PCDHGA12: variants seen among roughly 807,000 people sequenced by gnomAD.
PCDHGA12 encodes protocadherin gamma subfamily A, 12.
A neutral mutation model predicts 61.1 loss-of-function variants in PCDHGA12; 43 were observed. The ratio of observed to expected loss-of-function variants is 0.70; its 90% confidence interval spans 0.55 to 0.91. The LOEUF is 0.91. Ranked by LOEUF, PCDHGA12 falls within the 40% of genes least tolerant of loss-of-function variation. The pLI is 0.00. For synonymous variants in PCDHGA12, 520 were observed against 542.9 expected (o/e 0.96, Z 0.59); for missense variants, 1,236 against 1,227.7 (o/e 1.01, Z -0.10).
At chr5:141,450,006 C>CTATTTTTTTTTTTT (rs70988802) in intron 1 of PCDHGA12, among the ~76,000 whole-genome samples, 1 of 132,966 alleles carries the variant, frequency 7.5e-6, no homozygotes, top group Non-Finnish European at 1.6e-5. Flanking sequence ...TGCCATGTCT[C>CTATTTTTTTTTTTT]TTTTTTTTTT....
chr5:141,505,779 T>G (rs1420143439), intron 3 of PCDHGA12, among the ~76,000 whole-genome samples: 1 of 139,496 alleles, frequency 7.2e-6, no homozygotes, highest in Non-Finnish European at 1.6e-5. Flanking sequence ...GTCCTAGCTC[T>G]GCTACTATCC....
rs549047197 is a variant in PCDHGA12, at chr5:141,502,866, C to CTTTTTTTTTTTTTTT, written c.2484-2513_2484-2512insTTTTTTTTTTTTTTT. Reference sequence around the variant, plus strand: ...GAGCTGCCTAACCCTGACTCTCTGTCTTTTTTTTTTTTTTGACAGGGAGTC... The same window carrying CTTTTTTTTTTTTTTT: ...GAGCTGCCTAACCCTGACTCTCTGTCTTTTTTTTTTTTTTTTTTTTTTTTTTTTTGACAGGGAGTC... On this transcript the variant is annotated intron_variant, in intron 2 of 3. Coordinates refer to ENST00000252085, the MANE Select transcript of PCDHGA12 (RefSeq NM_003735.3). 1.1e-4 allele frequency among the ~76,000 whole-genome samples: 14 copies of CTTTTTTTTTTTTTTT among 128,026 alleles called. 3 individuals are homozygous for CTTTTTTTTTTTTTTT. Among genetic ancestry groups the CTTTTTTTTTTTTTTT allele is most frequent in the Admixed American group, 1.7e-4 (2 of 11,664 alleles). The allele number at this position is 128,026 out of a possible 152,430, so 84.0% of individuals were successfully genotyped here.
intron 1 of PCDHGA12, among the ~76,000 whole-genome samples, chr5:141,488,553 T>C (rs2099676887): frequency 6.6e-6 from 1 of 152,166 alleles, no homozygotes; most frequent in South Asian, 2.1e-4. Flanking sequence ...TCAGCTGACA[T>C]TGAGATTTCC....
Position 141,491,944 on chromosome 5 carries a change from C to A in PCDHGA12, c.2425-2863C>A. On this transcript the variant is annotated intron_variant, in intron 1 of 3. Transcript: ENST00000252085. This position sits in a 1 kb window ranked among gnomAD's most constrained non-coding sequence, Gnocchi z 6.9. ...CGAGGGGAGGTGGGACCGACCCCCA[C>A]CCCTACACTCAAAAAAGGCCGGGGC... 2 of 1,120,270 alleles carry A rather than the reference C, an allele frequency of 1.8e-6. No individual in the cohort carries two copies. Among genetic ancestry groups the A allele is most frequent in the Non-Finnish European group, 2.4e-6 (2 of 822,060 alleles). The allele number at this position is 1,120,270 out of a possible 1,614,324, so 69.4% of individuals were successfully genotyped here.
chr5:141,505,345 G>A (rs776607130), intron 2 of PCDHGA12, 48 bp from the exon 3 acceptor site: 13 of 1,613,086 alleles, frequency 8.1e-6, no homozygotes, highest in Non-Finnish European at 1.1e-5. Flanking sequence ...AGGGGCATGA[G>A]CTGTGCCGGC....
At position 141,499,027 on chromosome 5, in the gene PCDHGA12, A is replaced by AG. The variant is rs1323149397; in HGVS notation, c.2483+4163dup. 7.4e-3 allele frequency among the ~76,000 whole-genome samples: 1,116 copies of AG among 149,928 alleles called. 12 individuals are homozygous for AG. Among genetic ancestry groups the AG allele is most frequent in the African/African-American group, 0.026 (1,074 of 40,604 alleles). On this transcript the variant is annotated intron_variant, in intron 2 of 3. Transcript: ENST00000252085. ...AAGGAAGGAAGGAAGGAAGGAAGGA[A>AG]GAAAAGAAAGAAAAAGGGAGAAAAA...
chr5:141,502,785 A>G (rs576095718), intron 2 of PCDHGA12, among the ~76,000 whole-genome samples: 2 of 150,900 alleles, frequency 1.3e-5, no homozygotes, highest in East Asian at 3.9e-4. Context: ...AATTACCTGG[A>G]TGATTTCTTC....
chr5:141,481,619 A>T (rs1303171847), intron 1 of PCDHGA12, among the ~76,000 whole-genome samples: 1 of 152,128 alleles, frequency 6.6e-6, no homozygotes, highest in Non-Finnish European at 1.5e-5. Flanking sequence ...GGAGTTCAAG[A>T]CCGGCCTGGC....
At position 141,431,848 on chromosome 5, in the gene PCDHGA12, G is replaced by A. The variant is rs747401379; in HGVS notation, c.1089G>A (p.Gly363=). 11 of 1,614,142 alleles carry A rather than the reference G, an allele frequency of 6.8e-6. No homozygotes were observed. The highest frequency in any genetic ancestry group is 2.2e-5 in the East Asian group (1 of 44,906). Residue 363 remains glycine, a synonymous_variant, in exon 1 of 4, where the codon GGG becomes GGA. Coordinates refer to ENST00000252085, the MANE Select transcript of PCDHGA12 (RefSeq NM_003735.3). The surrounding 1 kb of genome is among the most constrained non-coding windows in gnomAD (Gnocchi z 4.8). ...CGGTTCCCGAAAACTCTCCCAGAGGGACATTAATTGCCCTTTTAAATGTAA... is the reference window on the plus strand; with the variant it reads ...CGGTTCCCGAAAACTCTCCCAGAGGAACATTAATTGCCCTTTTAAATGTAA... The part of the protein sequence containing the change: ...ASSVPENSPR[G]TLIALLNVND...
In PCDHGA12 at chr5:141,457,491, A is replaced by G. The variant is rs1462989353; in HGVS notation, c.2424+24308A>G. Among the ~76,000 whole-genome samples, 9 of 152,368 alleles carry G rather than the reference A, an allele frequency of 5.9e-5. No individual in the cohort carries two copies. The East Asian group carries it at 1.5e-3, about 26-fold the overall frequency. On this transcript the variant is annotated intron_variant, in intron 1 of 3. Transcript: ENST00000252085. ...ATAAGCAGGGCCAGGGTTAGTCTAA[A>G]ATGTAGGCAAAAAGCTTAAAAACAA...
chr5:141,473,974 C>T (rs958240236), intron 1 of PCDHGA12, among the ~76,000 whole-genome samples: 12 of 152,172 alleles, frequency 7.9e-5, no homozygotes, highest in Admixed American at 1.3e-4. Flanking sequence ...AAGTCTGAGG[C>T]GGGAGGATCC....
At chr5:141,441,827 A>G (rs1344314632) in intron 1 of PCDHGA12, 1 of 355,628 alleles carries the variant, frequency 2.8e-6, no homozygotes, top group Non-Finnish European at 5.6e-6. Flanking sequence ...CTGGAGCGCA[A>G]TGGCTTCGCG....
chr5:141,469,552 C>G (rs956606902), intron 1 of PCDHGA12, among the ~76,000 whole-genome samples: 1 of 151,910 alleles, frequency 6.6e-6, no homozygotes, highest in African/African-American at 2.4e-5. Context: ...TCCAGCCTGG[C>G]GACAGAGTGA....
chr5:141,476,357 C>G lies in PCDHGA12; in HGVS notation c.2425-18450C>G. On this transcript the variant is annotated intron_variant, in intron 1 of 3. Transcript: ENST00000252085. The surrounding 1 kb of genome is among the most constrained non-coding windows in gnomAD (Gnocchi z 7.6). ...TAGCCGAAGATTCTTTGAGGTGAAC[C>G]GGGAGACCGGAGAGATGTTTGTGAA... The G allele has an allele frequency of 6.2e-7, 1 of 1,614,052 alleles. No individual in the cohort carries two copies. Among genetic ancestry groups the G allele is most frequent in the South Asian group, 1.1e-5 (1 of 91,078 alleles).
chr5:141,481,436 T>C (rs775003998), intron 1 of PCDHGA12, among the ~76,000 whole-genome samples: 5 of 152,220 alleles, frequency 3.3e-5, no homozygotes, highest in South Asian at 2.1e-4. Flanking sequence ...ATTGTATCAG[T>C]TTAGTACATG....
At chr5:141,441,757 G>A (rs1423867327) in intron 1 of PCDHGA12, 2 of 381,638 alleles carry the variant, frequency 5.2e-6, no homozygotes, top group Middle Eastern at 6.5e-4. Context: ...GTCAACGTGA[G>A]CCTGCGCGTG....
intron 1 of PCDHGA12, among the ~76,000 whole-genome samples, chr5:141,444,152 ATTTTTTTTTTTTTTTTTTTTT>A (rs747671382): frequency 8.9e-5 from 3 of 33,882 alleles, no homozygotes; most frequent in Admixed American, 3.9e-4. Context: ...TGTGTACTGG[ATTTTTTTTTTTTTTTTTTTTT>A]TTTTTTTTTT....
intron 1 of PCDHGA12, among the ~76,000 whole-genome samples, chr5:141,444,732 A>G (rs2098445644): frequency 6.6e-6 from 1 of 152,194 alleles, no homozygotes; most frequent in Admixed American, 6.6e-5. Context: ...CTTTGTTGAA[A>G]GTCATTTCAC....
chr5:141,431,288 C>T lies in PCDHGA12; in HGVS notation c.529C>T (p.His177Tyr), dbSNP rs2097358193. ...LQSYELSPNT[H>Y]FSLIVQNGAD... ...GAGCTACGAGCTCAGCCCGAACACT[C>T]ACTTCTCCCTCATCGTGCAAAATGG... The change falls in exon 1 of 4, where the codon CAC (histidine) becomes TAC (tyrosine). Residue 177 changes from histidine (H) to tyrosine (Y), a missense_variant. Physicochemically the swap from His to Tyr is moderately conservative, Grantham distance 83. Transcript: ENST00000252085. This position sits in a 1 kb window ranked among gnomAD's most constrained non-coding sequence, Gnocchi z 4.8. 1 of 1,614,152 alleles carries T rather than the reference C, an allele frequency of 6.2e-7. No individual in the cohort carries two copies. Among genetic ancestry groups the T allele is most frequent in the East Asian group, 2.2e-5 (1 of 44,890 alleles).
Sources: allele counts gnomAD v4.1 joint callset (sites outside exome capture counted in the v4.1 genomes callset), GRCh38; gene constraint gnomAD v4.1.1; non-coding constraint Gnocchi (gnomAD v3.1); transcripts MANE v1.5; gene names NCBI Gene and HGNC (gene_info 2026-07-23, HGNC 2026-07-21).